The following ADGRL2 variants were observed in gnomAD, a reference collection of about 807,000 sequenced individuals.
ADGRL2 encodes the protein adhesion G protein-coupled receptor L2.
ADGRL2 carries 44 observed loss-of-function variants against 157.4 expected under a neutral mutation model. That is an observed-to-expected ratio of 0.28 (90% CI 0.22 to 0.36). The LOEUF is 0.36. Ranked by LOEUF, ADGRL2 falls within the 10% of genes least tolerant of loss-of-function variation. The probability of loss-of-function intolerance (pLI) is 1.00; values close to 1 mark genes in which losing one functional copy is unlikely to be tolerated. For missense variants in ADGRL2, 1,510 were observed against 1,768.9 expected (o/e 0.85, Z 2.63); for synonymous variants, 585 against 624.7 (o/e 0.94, Z 0.95).
At chr1:81,520,779 G>A (rs2079295866) in intron 2 of ADGRL2, among the ~76,000 whole-genome samples, 1 of 152,134 alleles carries the variant, frequency 6.6e-6, no homozygotes, top group Non-Finnish European at 1.5e-5. Flanking sequence ...TCTTCAGCAA[G>A]GTGAAAACTG....
chr1:81,918,439 C>G (rs907324825), intron 3 of ADGRL2, among the ~76,000 whole-genome samples: 14 of 151,350 alleles, frequency 9.3e-5, no homozygotes, highest in African/African-American at 3.4e-4. Context: ...GATAGCTAAT[C>G]CAAAGAGAAG....
intron 2 of ADGRL2, among the ~76,000 whole-genome samples, chr1:81,517,969 C>A (rs572466028): frequency 6.6e-6 from 1 of 152,212 alleles, no homozygotes; most frequent in African/African-American, 2.4e-5. Flanking sequence ...ATGCGTATAT[C>A]TCTGGGAGGA....
chr1:81,399,196 T>C (rs1057456422), intron 1 of ADGRL2, among the ~76,000 whole-genome samples: 1 of 152,088 alleles, frequency 6.6e-6, no homozygotes, highest in Non-Finnish European at 1.5e-5. Flanking sequence ...GAGAACTTAC[T>C]CAGGATCATG....
At chr1:81,823,076 GA>G (rs926378690) in intron 1 of ADGRL2, among the ~76,000 whole-genome samples, 9 of 150,324 alleles carry the variant, frequency 6.0e-5, no homozygotes, top group Non-Finnish European at 8.9e-5. Context: ...GTCTGGCATA[GA>G]AAAAAATCTT....
chr1:81,762,142 AT>A (rs2085902808), intron 2 of ADGRL2, among the ~76,000 whole-genome samples: 1 of 152,088 alleles, frequency 6.6e-6, no homozygotes, highest in African/African-American at 2.4e-5. Flanking sequence ...GGGGTAATTT[AT>A]TTTAAAATAC....
At chr1:81,350,642 C>G (rs1001681934) in intron 1 of ADGRL2, among the ~76,000 whole-genome samples, 1 of 152,086 alleles carries the variant, frequency 6.6e-6, no homozygotes, top group Non-Finnish European at 1.5e-5. Flanking sequence ...CATAGTCTAC[C>G]AACGTAATGT....
chr1:81,881,863 G>A (rs988336797), intron 2 of ADGRL2, among the ~76,000 whole-genome samples: 1 of 152,120 alleles, frequency 6.6e-6, no homozygotes, highest in African/African-American at 2.4e-5. Flanking sequence ...CTAAGAATGT[G>A]TTAGAGCACC....
chr1:81,442,564 G>A (rs970198511), intron 1 of ADGRL2, among the ~76,000 whole-genome samples: 18 of 152,142 alleles, frequency 1.2e-4, no homozygotes, highest in Admixed American at 1.0e-3. Context: ...GCGGTGTGAA[G>A]ACTAAATAAG....
intron 2 of ADGRL2, among the ~76,000 whole-genome samples, chr1:81,560,800 T>A (rs2080423072): frequency 1.3e-5 from 2 of 152,092 alleles, no homozygotes; most frequent in Admixed American, 1.3e-4. Flanking sequence ...ATCCTCACAA[T>A]GGTCTGCAAG....
intron 3 of ADGRL2, among the ~76,000 whole-genome samples, chr1:81,658,385 G>A (rs1420199677): frequency 6.6e-6 from 1 of 152,076 alleles, no homozygotes; most frequent in Non-Finnish European, 1.5e-5. Context: ...GTGAGCCACT[G>A]CACATGGCCA....
chr1:81,486,027 G>T (rs2078493132), intron 2 of ADGRL2, among the ~76,000 whole-genome samples: 1 of 152,158 alleles, frequency 6.6e-6, no homozygotes, highest in Non-Finnish European at 1.5e-5. Flanking sequence ...ACAAGCCACT[G>T]TGCTAATATT....
intron 2 of ADGRL2, among the ~76,000 whole-genome samples, chr1:81,556,628 T>C (rs1365568212): frequency 6.8e-6 from 1 of 147,764 alleles, no homozygotes; most frequent in Admixed American, 6.7e-5. Context: ...AAAAAAAAAA[T>C]TTTTTTTTAC....
chr1:81,877,481 G>A (rs531102772), intron 2 of ADGRL2, among the ~76,000 whole-genome samples: 4 of 152,206 alleles, frequency 2.6e-5, no homozygotes, highest in African/African-American at 9.6e-5. Context: ...TTAAATCATA[G>A]AAGGAGCCAG....
At chr1:81,380,488 T>C (rs956234025) in intron 1 of ADGRL2, among the ~76,000 whole-genome samples, 17 of 152,350 alleles carry the variant, frequency 1.1e-4, no homozygotes, top group Admixed American at 2.0e-4. Context: ...TGTTTAACAA[T>C]GGTTTGATTT....
intron 1 of ADGRL2, among the ~76,000 whole-genome samples, chr1:81,356,225 G>A (rs2100870139): frequency 6.6e-6 from 1 of 152,250 alleles, no homozygotes; most frequent in East Asian, 1.9e-4. Flanking sequence ...TCTCTAACAG[G>A]AATGTTAAAA....
At chr1:81,352,000 G>T (rs145501789) in intron 1 of ADGRL2, among the ~76,000 whole-genome samples, 13 of 152,170 alleles carry the variant, frequency 8.5e-5, no homozygotes, top group African/African-American at 2.9e-4. Context: ...ATGTCATACC[G>T]GCATACACAG....
chr1:81,489,879 T>TA (rs1156739802), intron 2 of ADGRL2, among the ~76,000 whole-genome samples: 6 of 152,104 alleles, frequency 3.9e-5, no homozygotes, highest in African/African-American at 1.4e-4. Context: ...ATTCAAAAAT[T>TA]AAAAAGAAAT....
intron 2 of ADGRL2, among the ~76,000 whole-genome samples, chr1:81,778,182 C>G (rs2086665037): frequency 6.8e-6 from 1 of 147,048 alleles, no homozygotes. Flanking sequence ...ATTAGCCAAG[C>G]ATGGTGGCGG....
rs1467052870 is a variant in ADGRL2, at chr1:81,993,043, CATATATATAATATACATATAT to C, written c.*1908_*1928del. On this transcript the variant is annotated 3_prime_UTR_variant, in exon 24 of 24. Coordinates refer to ENST00000686636, the MANE Select transcript of ADGRL2 (RefSeq NM_001366006.2). The stretch of plus-strand genomic sequence containing the variant: ...AGGAATGAGATTTAAAAATTAAGTG[CATATATATAATATACATATAT>C]ATATATATATATATATATATATATT... Among the ~76,000 whole-genome samples the C allele has an allele frequency of 2.8e-5, 3 of 106,958 alleles. No individual in the cohort carries two copies. The highest frequency in any genetic ancestry group is 7.8e-5 in the African/African-American group (2 of 25,666). The allele number at this position is 106,958 out of a possible 152,430, so 70.2% of individuals were successfully genotyped here. A position where few individuals can be genotyped will look rare whatever the true frequency, so the allele number is the denominator to read the frequency against.
Sources: gnomAD v4.1 joint callset for allele counts (sites outside exome capture counted in the v4.1 genomes callset) on GRCh38, gnomAD v4.1.1 for gene constraint, MANE v1.5 for transcripts, NCBI Gene and HGNC (gene_info 2026-07-23, HGNC 2026-07-21) for gene names.